The following IL17RD variants were observed in gnomAD, a reference collection of about 807,000 sequenced individuals.
IL17RD encodes the protein interleukin-17 receptor D.
Under a neutral mutation model 80.5 loss-of-function variants are expected in IL17RD, and 52 were observed. The ratio of observed to expected loss-of-function variants is 0.65; its 90% CI spans 0.52 to 0.81. The LOEUF is 0.81. Ranked by LOEUF, IL17RD falls within the 40% of genes least tolerant of loss-of-function variation. The pLI, the probability that IL17RD is intolerant of heterozygous loss-of-function variation, is 0.00. For missense variants in IL17RD, 1,024 were observed against 955.1 expected (o/e 1.07, Z -0.95); for synonymous variants, 416 against 391.8 (o/e 1.06, Z -0.73).
At chr3:57,102,710 T>C (rs1050301733) in intron 9 of IL17RD, 121 bp from the exon 10 acceptor site, 1 of 486,868 alleles carries the variant, frequency 2.1e-6, no homozygotes, top group African/African-American at 2.0e-5. Context: ...CAACCACCTT[T>C]CTCTAGTGTG....
chr3:57,146,955 G>C (rs1239979699), intron 1 of IL17RD, among the ~76,000 whole-genome samples: 1 of 149,228 alleles, frequency 6.7e-6, no homozygotes, highest in Non-Finnish European at 1.5e-5. Flanking sequence ...CCGAGCAGCT[G>C]GGATTACAGG....
chr3:57,160,668 A>C (rs2060297865), intron 1 of IL17RD, among the ~76,000 whole-genome samples: 1 of 152,182 alleles, frequency 6.6e-6, no homozygotes, highest in Non-Finnish European at 1.5e-5. Flanking sequence ...TTCTTCTCTA[A>C]GGCCAGTGAC....
chr3:57,144,473 C>A (rs184905431), intron 1 of IL17RD, among the ~76,000 whole-genome samples: 1 of 152,338 alleles, frequency 6.6e-6, no homozygotes, highest in Admixed American at 6.5e-5. Flanking sequence ...ATAACCTTAT[C>A]TTCTTAAAGC....
intron 3 of IL17RD, 53 bp downstream of exon 3, chr3:57,114,639 C>T (rs1167331586): frequency 6.5e-7 from 1 of 1,528,774 alleles, no homozygotes; most frequent in Non-Finnish European, 8.8e-7. Context: ...GACCTTTGCA[C>T]TGGGCCCTAT....
At chr3:57,127,199 A>ATATAT in intron 1 of IL17RD, among the ~76,000 whole-genome samples, 1 of 117,844 alleles carries the variant, frequency 8.5e-6, no homozygotes, top group East Asian at 2.3e-4. Flanking sequence ...TATATATATA[A>ATATAT]ATATATATAA....
At chr3:57,102,166 G>A (rs1706846117) in intron 10 of IL17RD, among the ~76,000 whole-genome samples, 1 of 152,148 alleles carries the variant, frequency 6.6e-6, no homozygotes, top group African/African-American at 2.4e-5. Context: ...CTACCTCAGG[G>A]GGCTGAAGTG....
chr3:57,094,065 G>A lies in IL17RD; in HGVS notation c.*2328C>T, dbSNP rs961284056. 3 of 152,186 alleles carry A rather than the reference G, an allele frequency of 2.0e-5. No individual in the cohort carries two copies. The highest frequency in any genetic ancestry group is 4.4e-5 in the Non-Finnish European group (3 of 68,040). The allele number at this position is 152,186 out of a possible 1,614,324, so 9.4% of individuals were successfully genotyped here. A position where few individuals can be genotyped will look rare whatever the true frequency, so the allele number is the denominator to read the frequency against. On this transcript the variant is annotated 3_prime_UTR_variant, in exon 13 of 13. Coordinates refer to ENST00000296318, the MANE Select transcript of IL17RD (RefSeq NM_017563.5). ...TTGTTTCCATAATATCTAAAAGCCTGTGACTTGGCAGAACGTTTTTCTGAA... is the reference window on the plus strand; with the variant it reads ...TTGTTTCCATAATATCTAAAAGCCTATGACTTGGCAGAACGTTTTTCTGAA...
At chr3:57,154,260 TTATATA>T (rs751847693) in intron 1 of IL17RD, among the ~76,000 whole-genome samples, 49 of 128,602 alleles carry the variant, frequency 3.8e-4, no homozygotes, top group Non-Finnish European at 7.4e-4. Flanking sequence ...AAAAAAAAAA[TTATATA>T]TATATATATA....
chr3:57,154,260 T>TATATATA (rs1312503756), intron 1 of IL17RD, among the ~76,000 whole-genome samples: 1 of 128,604 alleles, frequency 7.8e-6, no homozygotes, highest in African/African-American at 3.1e-5. Context: ...AAAAAAAAAA[T>TATATATA]TATATATATA....
At chr3:57,111,107 C>A (rs891569033) in intron 3 of IL17RD, among the ~76,000 whole-genome samples, 7 of 152,248 alleles carry the variant, frequency 4.6e-5, no homozygotes, top group African/African-American at 1.7e-4. Flanking sequence ...GGTCCAGCTG[C>A]AGCTGGAGAG....
rs774208493 is a variant in IL17RD at position 57,098,134 on chromosome 3, C to G, written c.1569G>C (p.Gln523His). The change falls in exon 12 of 13, where the codon CAG (glutamine) becomes CAC (histidine). Residue 523 changes from glutamine to histidine, a missense_variant. Coordinates refer to ENST00000296318, the MANE Select transcript of IL17RD (RefSeq NM_017563.5). ...SRDHGLQEPGQHTRQGSRRNY... is the reference protein window; with the variant it reads ...SRDHGLQEPGHHTRQGSRRNY... ...TCCTTCTGCTGCCCTGTCGCGTGTG[C>G]TGCCCCGGCTCCTGGAGGCCGTGGT... 9.9e-6 allele frequency: 16 copies of G among 1,613,936 alleles called. No individual in the cohort carries two copies. In the Admixed American group the frequency reaches 1.7e-4, roughly 17 times the overall value.
Position 57,091,386 on chromosome 3 carries a change from A to T in IL17RD, c.*5007T>A, listed in dbSNP as rs1706551003. On this transcript the variant is annotated 3_prime_UTR_variant, in exon 13 of 13. Transcript: ENST00000296318. ...AATTCTCAATGAATATAGGTGACATATCATTTTGTGAAAGTGCCATTATAT... is the reference window on the plus strand; with the variant it reads ...AATTCTCAATGAATATAGGTGACATTTCATTTTGTGAAAGTGCCATTATAT... 6.6e-6 allele frequency: 1 copy of T among 152,614 alleles called. No homozygotes were observed. The highest frequency in any genetic ancestry group is 1.5e-5 in the Non-Finnish European group (1 of 68,038). 9.5% of individuals were successfully genotyped at this position (152,614 alleles called of 1,614,324 possible). A position where few individuals can be genotyped will look rare whatever the true frequency, so the allele number is the denominator to read the frequency against.
In IL17RD at chr3:57,165,324, CCGG is replaced by C. The variant is rs1286407804; in HGVS notation, c.-41_-39del. On this transcript the variant is annotated 5_prime_UTR_variant, in exon 1 of 13. Transcript: ENST00000296318. ...GCCCAGCCAGGCCGTTCTCTGCGCC[CCGG>C]CCGCCCGCCGCTGGCCAGCCCCGAG... 1.9e-5 allele frequency: 25 copies of C among 1,314,826 alleles called. No homozygotes were observed. Among genetic ancestry groups the C allele is most frequent in the Non-Finnish European group, 2.4e-5 (25 of 1,027,788 alleles). 81.4% of individuals were successfully genotyped at this position (1,314,826 alleles called of 1,614,324 possible).
chr3:57,125,395 G>A (rs866610010), intron 1 of IL17RD, among the ~76,000 whole-genome samples: 3 of 151,994 alleles, frequency 2.0e-5, no homozygotes, highest in South Asian at 4.1e-4. Flanking sequence ...CAAAAAGAGT[G>A]AGGCTCCATC....
In IL17RD at chr3:57,143,342, T is replaced by TGACAATCTCAACAAAGGCTAC. The variant is rs570353412; in HGVS notation, c.126+21798_126+21818dup. ...GGAGGGACCTATCTCCACTCTACCT[T>TGACAATCTCAACAAAGGCTAC]GACAATCTCAACAAAGGCTACGACA... On this transcript the variant is annotated intron_variant, in intron 1 of 12. Coordinates refer to ENST00000296318, the MANE Select transcript of IL17RD (RefSeq NM_017563.5). Among the ~76,000 whole-genome samples the TGACAATCTCAACAAAGGCTAC allele has an allele frequency of 5.5e-3, 830 of 152,212 alleles. 3 individuals carry two copies. Among genetic ancestry groups the TGACAATCTCAACAAAGGCTAC allele is most frequent in the South Asian group, 0.013 (61 of 4,822 alleles).
At chr3:57,168,054 A>G (rs568700678), upstream of IL17RD, among the ~76,000 whole-genome samples, 1 of 152,080 alleles carries the variant, frequency 6.6e-6, no homozygotes, top group South Asian at 2.1e-4. Context: ...CTGGTCTCGA[A>G]CTCCTAACCT....
At position 57,165,296 on chromosome 3, in the gene IL17RD, C is replaced by T; in HGVS notation, c.-10G>A. ...GCAGCCACGGGGCCATGGCCGTGCG[C>T]TCGCCCAGCCAGGCCGTTCTCTGCG... On this transcript the variant is annotated 5_prime_UTR_variant, in exon 1 of 13. Transcript: ENST00000296318. The T allele has an allele frequency of 6.9e-7, 1 of 1,443,032 alleles. No homozygotes were observed. The highest frequency in any genetic ancestry group is 1.4e-5 in the South Asian group (1 of 71,256). The allele number at this position is 1,443,032 out of a possible 1,614,324, so 89.4% of individuals were successfully genotyped here.
chr3:57,128,429 C>T (rs1268325598), intron 1 of IL17RD, among the ~76,000 whole-genome samples: 1 of 152,300 alleles, frequency 6.6e-6, no homozygotes, highest in East Asian at 1.9e-4. Flanking sequence ...ACAATTGTTT[C>T]TGAGCTCTAA....
rs1706563444 is a variant in IL17RD, at chr3:57,091,909, A to G, written c.*4484T>C. The stretch of plus-strand genomic sequence containing the variant: ...TAATCTAAACTCTCTCCTAGTCCCT[A>G]AACTCTGAAACTGGAATCAAAGCCA... On this transcript the variant is annotated 3_prime_UTR_variant, in exon 13 of 13. Transcript: ENST00000296318. The G allele has an allele frequency of 6.6e-6, 1 of 152,240 alleles. No homozygotes were observed. Among genetic ancestry groups the G allele is most frequent in the African/African-American group, 2.4e-5 (1 of 41,452 alleles). The allele number at this position is 152,240 out of a possible 1,614,324, so 9.4% of individuals were successfully genotyped here.
Sources: gnomAD v4.1 joint callset for allele counts (sites outside exome capture counted in the v4.1 genomes callset) on GRCh38, gnomAD v4.1.1 for gene constraint, MANE v1.5 for transcripts, NCBI Gene and HGNC (gene_info 2026-07-23, HGNC 2026-07-21) for gene names.